Variants in SCN9A observed in about 807,000 individuals in gnomAD.
SCN9A encodes the protein sodium channel protein type 9 subunit alpha.
A neutral mutation model predicts 187.0 loss-of-function variants in SCN9A; 131 were observed. The observed-to-expected ratio is 0.70, with a 90% CI of 0.61 to 0.81. SCN9A has a LOEUF of 0.81. SCN9A is among the 30% of genes least tolerant of loss of function. The pLI, the probability that SCN9A is intolerant of heterozygous loss-of-function variation, is 0.00. For missense variants in SCN9A, 2,252 were observed against 2,396.6 expected (o/e 0.94, Z 1.26); for synonymous variants, 809 against 808.6 (o/e 1.00, Z -0.01).
rs1695512329 is a variant in SCN9A at position 166,240,355 on chromosome 2, A to G, written c.3628-2088T>C. On this transcript the variant is annotated intron_variant, in intron 19 of 26. Coordinates refer to ENST00000642356, the MANE Select transcript of SCN9A (RefSeq NM_001365536.1). ...TCATGGGGGTTTGCTATACTTTTAAAAAATCTAGTTTAATTGGCAACCTGT... is the reference window on the plus strand; with the variant it reads ...TCATGGGGGTTTGCTATACTTTTAAGAAATCTAGTTTAATTGGCAACCTGT... Among the ~76,000 whole-genome samples the G allele has an allele frequency of 2.0e-5, 3 of 152,190 alleles. No homozygotes were observed. In the South Asian group the frequency reaches 6.2e-4, roughly 31 times the overall value.
At chr2:166,323,933 A>C (rs775544399) in intron 1 of SCN9A, among the ~76,000 whole-genome samples, 2 of 151,178 alleles carry the variant, frequency 1.3e-5, no homozygotes, top group Non-Finnish European at 2.9e-5. Flanking sequence ...TTGTTTCTTT[A>C]ATCTTGATTA....
In SCN9A at chr2:166,357,681, A is replaced by G. The variant is rs531844054; in HGVS notation, c.-51+18016T>C. ...ATTCCTCCCCTCACTCTTAATGACCAACTTCTTCATTAGATATACTTTCTA... is the reference window on the plus strand; with the variant it reads ...ATTCCTCCCCTCACTCTTAATGACCGACTTCTTCATTAGATATACTTTCTA... On this transcript the variant is annotated intron_variant, in intron 1 of 26. Transcript: ENST00000642356. Among the ~76,000 whole-genome samples, 6 of 152,284 alleles carry G rather than the reference A, an allele frequency of 3.9e-5. No homozygotes were observed. The South Asian group carries it at 1.2e-3, about 32-fold the overall frequency.
chr2:166,371,170 T>G (rs1316623742), intron 1 of SCN9A, among the ~76,000 whole-genome samples: 1 of 152,226 alleles, frequency 6.6e-6, no homozygotes, highest in East Asian at 1.9e-4. Flanking sequence ...TCTCCTGTGT[T>G]AAAGAAACAA....
chr2:166,232,186 C>T (rs1165106770), intron 21 of SCN9A, among the ~76,000 whole-genome samples: 2 of 152,104 alleles, frequency 1.3e-5, no homozygotes, highest in African/African-American at 2.4e-5. Flanking sequence ...GGACTAATTA[C>T]AGAAAATAGA....
chr2:166,220,002 A>C (rs1694514025), intron 24 of SCN9A, among the ~76,000 whole-genome samples: 2 of 152,210 alleles, frequency 1.3e-5, no homozygotes, highest in African/African-American at 4.8e-5. Flanking sequence ...TCCCTGATGA[A>C]CATAGATGCA....
chr2:166,349,050 C>T (rs1044054205), intron 1 of SCN9A, among the ~76,000 whole-genome samples: 1 of 79,128 alleles, frequency 1.3e-5, no homozygotes. Flanking sequence ...ATCGCTTGAA[C>T]CCAGGAGCGG....
At chr2:166,222,540 A>G (rs112658098) in intron 24 of SCN9A, among the ~76,000 whole-genome samples, 1 of 152,078 alleles carries the variant, frequency 6.6e-6, no homozygotes, top group Non-Finnish European at 1.5e-5. Context: ...AGGCAGGAGA[A>G]TCACTTGAAC....
intron 6 of SCN9A, 136 bp downstream of exon 6, chr2:166,304,102 T>C (rs779282960): frequency 6.2e-7 from 1 of 1,613,578 alleles, no homozygotes; most frequent in South Asian, 1.1e-5. Flanking sequence ...ATTGCCCAGG[T>C]CCACAAACTC....
At chr2:166,210,661 G>T (rs1213300550) in intron 24 of SCN9A, among the ~76,000 whole-genome samples, 6 of 151,248 alleles carry the variant, frequency 4.0e-5, no homozygotes, top group Admixed American at 1.3e-4. Context: ...AAGACAGAAA[G>T]GGGTGTAAAA....
intron 6 of SCN9A, 135 bp from the exon 7 acceptor site, chr2:166,303,437 T>A: frequency 3.1e-6 from 2 of 655,350 alleles, no homozygotes; most frequent in Non-Finnish European, 5.1e-6. Flanking sequence ...AAAAGCCTTC[T>A]GGGTTTGCTA....
intron 23 of SCN9A, 131 bp from the exon 24 acceptor site, chr2:166,226,835 T>C (rs1279243426): frequency 1.7e-5 from 9 of 540,056 alleles, no homozygotes; most frequent in Non-Finnish European, 2.7e-5. Context: ...CATAGCATTG[T>C]TGAGGTTTAA....
At chr2:166,316,460 C>T (rs1574918719) in intron 1 of SCN9A, among the ~76,000 whole-genome samples, 1 of 152,126 alleles carries the variant, frequency 6.6e-6, no homozygotes, top group East Asian at 1.9e-4. Context: ...TTTGGGAGGC[C>T]CAGGCAGGCA....
intron 1 of SCN9A, among the ~76,000 whole-genome samples, chr2:166,356,229 A>G (rs891194955): frequency 1.3e-5 from 2 of 151,884 alleles, no homozygotes; most frequent in Admixed American, 1.3e-4. Flanking sequence ...ACATTTTTTT[A>G]TTTAGATTTT....
intron 17 of SCN9A, among the ~76,000 whole-genome samples, chr2:166,255,145 CAT>C (rs1696214388): frequency 6.7e-6 from 1 of 148,586 alleles, no homozygotes; most frequent in Admixed American, 6.8e-5. Context: ...GAGAGAGAGA[CAT>C]ATCTTTCCAT....
At chr2:166,338,269 G>A (rs1390393943) in intron 1 of SCN9A, among the ~76,000 whole-genome samples, 1 of 152,072 alleles carries the variant, frequency 6.6e-6, no homozygotes, top group Non-Finnish European at 1.5e-5. Context: ...AAAGGGACAT[G>A]CCCACTTACA....
intron 1 of SCN9A, among the ~76,000 whole-genome samples, chr2:166,353,448 C>T (rs1025770022): frequency 6.6e-6 from 1 of 152,124 alleles, no homozygotes; most frequent in African/African-American, 2.4e-5. Flanking sequence ...TTTGGTCTGT[C>T]ATAGAAGGTT....
chr2:166,252,306 C>G (rs374484854), intron 17 of SCN9A, among the ~76,000 whole-genome samples: 7 of 151,842 alleles, frequency 4.6e-5, no homozygotes, highest in African/African-American at 1.7e-4. Context: ...TTACTAATGC[C>G]TGATCATTGA....
intron 1 of SCN9A, among the ~76,000 whole-genome samples, chr2:166,346,301 G>A (rs989088024): frequency 3.9e-5 from 6 of 152,134 alleles, no homozygotes; most frequent in African/African-American, 1.4e-4. Flanking sequence ...CAATAGCAAA[G>A]ATCATAGTAT....
chr2:166,297,938 T>G (rs995613351), intron 7 of SCN9A, among the ~76,000 whole-genome samples: 6 of 151,902 alleles, frequency 3.9e-5, no homozygotes, highest in African/African-American at 1.5e-4. Flanking sequence ...TGGGTGAAGT[T>G]TTTAAATTAA....
Sources: allele counts gnomAD v4.1 joint callset (sites outside exome capture counted in the v4.1 genomes callset), GRCh38; gene constraint gnomAD v4.1.1; transcripts MANE v1.5; gene names NCBI Gene and HGNC (gene_info 2026-07-23, HGNC 2026-07-21).